Variants in LIN7A observed in about 807,000 individuals in gnomAD.
The protein encoded by LIN7A is lin-7 cell polarity scaffold A, also known as protein lin-7 homolog A.
A neutral mutation model predicts 29.8 loss-of-function variants in LIN7A; 25 were observed. The observed-to-expected ratio is 0.84, with a 90% CI of 0.61 to 1.17. LIN7A has a LOEUF of 1.17. Among genes scored for constraint, LIN7A ranks in the 50% most tolerant of loss-of-function variants. The pLI is 0.00. For synonymous variants in LIN7A, 118 were observed against 107.5 expected, an observed-to-expected ratio of 1.10 and a Z score of -0.60; for missense variants, 239 against 287.0, an observed-to-expected ratio of 0.83 and a Z score of 1.21.
intron 4 of LIN7A, among the ~76,000 whole-genome samples, chr12:80,826,562 G>T (rs541317353): frequency 1.3e-5 from 2 of 152,032 alleles, no homozygotes; most frequent in African/African-American, 2.4e-5. Flanking sequence ...TTTCTCTGTG[G>T]CTCAGCCTAG....
chr12:80,922,960 C>T (rs965705476), intron 1 of LIN7A, among the ~76,000 whole-genome samples: 2 of 152,096 alleles, frequency 1.3e-5, no homozygotes, highest in Non-Finnish European at 1.5e-5. Flanking sequence ...CACATACCCC[C>T]TTGCATAAGT....
intron 5 of LIN7A, among the ~76,000 whole-genome samples, chr12:80,807,063 G>GTTTTTTTTTGTTTTTTT (rs374349839): frequency 0.012 from 647 of 53,480 alleles, 81 homozygotes; most frequent in East Asian, 0.032. Flanking sequence ...TGAAGATGGA[G>GTTTTTTTTTGTTTTTTT]TTTTTTTTTT....
chr12:80,794,724 A>C lies in LIN7A; in HGVS notation c.*3003T>G, dbSNP rs1447978058. The stretch of plus-strand genomic sequence containing the variant: ...TTAAAAGACTGTGATTGTTCACATA[A>C]CTGGAGAATTCCCTATTGACTACAT... On this transcript the variant is annotated 3_prime_UTR_variant, in exon 6 of 6. Coordinates refer to ENST00000552864, the MANE Select transcript of LIN7A (RefSeq NM_004664.4). 1 of 152,196 alleles carries C rather than the reference A, an allele frequency of 6.6e-6. No homozygotes were observed. Among genetic ancestry groups the C allele is most frequent in the Non-Finnish European group, 1.5e-5 (1 of 68,022 alleles). The allele number at this position is 152,196 out of a possible 1,614,324, so 9.4% of individuals were successfully genotyped here. A position where few individuals can be genotyped will look rare whatever the true frequency, so the allele number is the denominator to read the frequency against.
chr12:80,863,523 CA>C (rs1276686364), intron 2 of LIN7A, among the ~76,000 whole-genome samples: 1 of 152,172 alleles, frequency 6.6e-6, no homozygotes, highest in African/African-American at 2.4e-5. Context: ...CCAGATTTCC[CA>C]GGCCCTTTGA....
chr12:80,834,111 A>G (rs1449168040), intron 4 of LIN7A, among the ~76,000 whole-genome samples: 15 of 152,102 alleles, frequency 9.9e-5, no homozygotes, highest in South Asian at 4.2e-4. Flanking sequence ...AGAATCCTCA[A>G]CTCTTCTGAT....
At chr12:80,911,897 G>C (rs1488828673) in intron 1 of LIN7A, among the ~76,000 whole-genome samples, 1 of 152,050 alleles carries the variant, frequency 6.6e-6, no homozygotes, top group African/African-American at 2.4e-5. Flanking sequence ...AACTATTCCT[G>C]TCATAATTTA....
intron 1 of LIN7A, chr12:80,936,382 A>C (rs1444578255): frequency 6.6e-6 from 1 of 152,290 alleles, no homozygotes; most frequent in African/African-American, 2.4e-5. Flanking sequence ...GTCTCTCCAA[A>C]TTAAAAACCT....
chr12:80,803,572 T>C (rs1318206281), intron 5 of LIN7A, among the ~76,000 whole-genome samples: 1 of 152,148 alleles, frequency 6.6e-6, no homozygotes, highest in Admixed American at 6.6e-5. Flanking sequence ...AGGCCTTCAG[T>C]CTGGTTCTTT....
At position 80,794,089 on chromosome 12, in the gene LIN7A, C is replaced by A. The variant is rs1870333123; in HGVS notation, c.*3638G>T. 6.6e-6 allele frequency: 1 copy of A among 152,102 alleles called. No homozygotes were observed. The highest frequency in any genetic ancestry group is 1.9e-4 in the East Asian group (1 of 5,196). 9.4% of individuals were successfully genotyped at this position (152,102 alleles called of 1,614,324 possible). A position where few individuals can be genotyped will look rare whatever the true frequency, so the allele number is the denominator to read the frequency against. On this transcript the variant is annotated 3_prime_UTR_variant, in exon 6 of 6. Coordinates refer to ENST00000552864, the MANE Select transcript of LIN7A (RefSeq NM_004664.4). Reference sequence around the variant, plus strand: ...ATATAGACTCAAAATATGGTTCTAACCATGAAACTTAGAAATCATAGTGAC... The same window carrying A: ...ATATAGACTCAAAATATGGTTCTAAACATGAAACTTAGAAATCATAGTGAC...
intron 2 of LIN7A, among the ~76,000 whole-genome samples, chr12:80,888,163 G>C (rs1220547825): frequency 6.6e-6 from 1 of 152,090 alleles, no homozygotes; most frequent in Non-Finnish European, 1.5e-5. Context: ...TAGGTTGTGT[G>C]CAATATTAAC....
At chr12:80,816,943 A>G (rs1871565459) in intron 4 of LIN7A, among the ~76,000 whole-genome samples, 1 of 152,026 alleles carries the variant, frequency 6.6e-6, no homozygotes, top group Non-Finnish European at 1.5e-5. Context: ...TACTTTTTGT[A>G]TTTTTAGTAA....
intron 2 of LIN7A, among the ~76,000 whole-genome samples, chr12:80,881,781 A>C (rs984396793): frequency 2.6e-5 from 4 of 152,120 alleles, no homozygotes; most frequent in Non-Finnish European, 4.4e-5. Context: ...TTATATAGGA[A>C]GTTTCCTGTA....
intron 1 of LIN7A, among the ~76,000 whole-genome samples, chr12:80,908,632 A>G (rs1876603606): frequency 6.6e-6 from 1 of 152,048 alleles, no homozygotes. Flanking sequence ...ATAGAGAATA[A>G]AGTTTACCTT....
intron 1 of LIN7A, chr12:80,937,363 G>T (rs1022214237): frequency 5.6e-6 from 2 of 355,584 alleles, no homozygotes; most frequent in Non-Finnish European, 1.0e-5. Context: ...GACCGGAGAC[G>T]ACCCGGCGAG....
intron 2 of LIN7A, among the ~76,000 whole-genome samples, chr12:80,851,684 T>C (rs962211647): frequency 1.3e-5 from 2 of 152,174 alleles, no homozygotes; most frequent in East Asian, 3.8e-4. Flanking sequence ...TGTGCTTTAA[T>C]GAGGGGCTTA....
intron 1 of LIN7A, among the ~76,000 whole-genome samples, chr12:80,928,207 C>T (rs1877711055): frequency 6.6e-6 from 1 of 152,136 alleles, no homozygotes; most frequent in South Asian, 2.1e-4. Flanking sequence ...ATTTATAATC[C>T]TTTGGATATA....
intron 2 of LIN7A, among the ~76,000 whole-genome samples, chr12:80,877,938 C>T (rs1190025387): frequency 6.6e-6 from 1 of 151,620 alleles, no homozygotes; most frequent in Non-Finnish European, 1.5e-5. Context: ...CCTGTGATCT[C>T]AACAGAAGAC....
At chr12:80,805,230 G>A (rs982188006) in intron 5 of LIN7A, among the ~76,000 whole-genome samples, 2 of 151,968 alleles carry the variant, frequency 1.3e-5, no homozygotes, top group African/African-American at 4.8e-5. Context: ...GGAAACTCTG[G>A]GTTCCTTGCA....
At chr12:80,924,991 A>G (rs150109568) in intron 1 of LIN7A, among the ~76,000 whole-genome samples, 1 of 152,348 alleles carries the variant, frequency 6.6e-6, no homozygotes, top group African/African-American at 2.4e-5. Flanking sequence ...GAATAAATGT[A>G]GGAAATTTTT....
Sources: allele counts gnomAD v4.1 joint callset (sites outside exome capture counted in the v4.1 genomes callset), GRCh38; gene constraint gnomAD v4.1.1; transcripts MANE v1.5; gene names NCBI Gene and HGNC (gene_info 2026-07-23, HGNC 2026-07-21).